Variants in PCDH15 observed in about 807,000 individuals in gnomAD.
The protein encoded by PCDH15 is protocadherin related 15, also known as protocadherin-15.
Under a neutral mutation model 178.5 loss-of-function variants are expected in PCDH15, and 129 were observed. The ratio of observed to expected loss-of-function variants is 0.72; its 90% CI spans 0.63 to 0.84. The LOEUF (loss-of-function observed/expected upper bound fraction) is 0.84, where lower values mean the gene tolerates loss of function less well. Among genes scored for constraint, PCDH15 ranks in the 40% least tolerant of loss-of-function variants. PCDH15 has a pLI of 0.00. For synonymous variants in PCDH15, 800 were observed against 732.0 expected, an observed-to-expected ratio of 1.09 and a Z score of -1.50; for missense variants, 2,230 against 2,099.9, an observed-to-expected ratio of 1.06 and a Z score of -1.21.
chr10:55,103,760 G>C (rs933679180), intron 2 of PCDH15, among the ~76,000 whole-genome samples: 1 of 152,058 alleles, frequency 6.6e-6, no homozygotes, highest in African/African-American at 2.4e-5. Flanking sequence ...GGCTGAATTA[G>C]AGATATTGTG....
At chr10:54,388,193 G>A (rs1464108164) in intron 3 of PCDH15, among the ~76,000 whole-genome samples, 1 of 152,152 alleles carries the variant, frequency 6.6e-6, no homozygotes, top group Non-Finnish European at 1.5e-5. Flanking sequence ...CACAAGTATG[G>A]AAAGTCTTTT....
intron 1 of PCDH15, among the ~76,000 whole-genome samples, chr10:54,694,607 T>C (rs763850400): frequency 5.6e-4 from 85 of 151,654 alleles, no homozygotes; most frequent in Admixed American, 5.9e-4. Flanking sequence ...TTTCAAACTT[T>C]ATTATTATTA....
intron 2 of PCDH15, among the ~76,000 whole-genome samples, chr10:55,343,838 A>G (rs1021028870): frequency 3.9e-5 from 6 of 152,194 alleles, no homozygotes; most frequent in African/African-American, 7.2e-5. Flanking sequence ...TGCACAGTCA[A>G]TAAAATAGTT....
intron 1 of PCDH15, among the ~76,000 whole-genome samples, chr10:54,687,859 T>C (rs1200236762): frequency 6.6e-6 from 1 of 152,046 alleles, no homozygotes; most frequent in East Asian, 1.9e-4. Context: ...TTGAACAATA[T>C]CTGCCTTAAC....
chr10:55,328,721 A>G (rs2132307665), intron 2 of PCDH15, among the ~76,000 whole-genome samples: 1 of 151,438 alleles, frequency 6.6e-6, no homozygotes, highest in African/African-American at 2.4e-5. Flanking sequence ...TAAACAATAC[A>G]GTACAATTAT....
chr10:53,855,412 C>T (rs1564618414), intron 28 of PCDH15, among the ~76,000 whole-genome samples: 1 of 152,024 alleles, frequency 6.6e-6, no homozygotes, highest in South Asian at 2.1e-4. Flanking sequence ...TGTATATAAA[C>T]TACTTCTGCA....
chr10:54,607,610 C>G (rs2092798475), intron 2 of PCDH15, among the ~76,000 whole-genome samples: 1 of 152,020 alleles, frequency 6.6e-6, no homozygotes, highest in Admixed American at 6.6e-5. Context: ...GAAATCAACC[C>G]ATAGTCCTTA....
intron 23 of PCDH15, among the ~76,000 whole-genome samples, chr10:53,955,979 A>C (rs532558756): frequency 1.4e-4 from 22 of 152,344 alleles, no homozygotes; most frequent in Admixed American, 2.6e-4. Flanking sequence ...CTAGCAATTG[A>C]ACATATTAAA....
chr10:54,642,809 A>T (rs1274734031), intron 2 of PCDH15, among the ~76,000 whole-genome samples: 1 of 152,242 alleles, frequency 6.6e-6, no homozygotes, highest in Non-Finnish European at 1.5e-5. Flanking sequence ...TGCCCAAAAT[A>T]TAATTTATAT....
chr10:54,599,964 G>A, intron 2 of PCDH15: 1 of 1,080,528 alleles, frequency 9.3e-7, no homozygotes. Flanking sequence ...AGGTGGAAAA[G>A]CCAGAAAAAG....
At chr10:55,432,082 A>AACACAC (rs58866288) in intron 2 of PCDH15, among the ~76,000 whole-genome samples, 1,936 of 148,462 alleles carry the variant, frequency 0.013, 28 homozygotes, top group African/African-American at 0.037. Context: ...CTATCATTTA[A>AACACAC]ACACACACAC....
chr10:55,334,242 A>ATATATATATATATATGTGTGTGTG (rs1291195941), intron 2 of PCDH15, among the ~76,000 whole-genome samples: 1 of 72,162 alleles, frequency 1.4e-5, no homozygotes, highest in Non-Finnish European at 2.2e-5. Flanking sequence ...ATATATATAT[A>ATATATATATATATATGTGTGTGTG]TGTGTGTGTG....
At position 55,460,581 on chromosome 10, in the gene PCDH15, T is replaced by C. The variant is rs375694762; in HGVS notation, c.-156+167044A>G. On this transcript the variant is annotated intron_variant, in intron 2 of 5. Transcript: ENST00000613346. ...CTTCAACTTGGGCCTTTTTAAAACA[T>C]ATTTTGTGCCTCTGCTTAACACTTT... is the stretch of plus-strand genomic sequence containing the variant. 3.2e-4 allele frequency among the ~76,000 whole-genome samples: 49 copies of C among 152,224 alleles called. No homozygotes were observed. In the South Asian group the frequency reaches 0.01, roughly 32 times the overall value.
chr10:54,265,628 T>C (rs745579310), intron 8 of PCDH15, among the ~76,000 whole-genome samples: 2 of 152,062 alleles, frequency 1.3e-5, no homozygotes, highest in Non-Finnish European at 2.9e-5. Flanking sequence ...GTTTCTATTC[T>C]ATCAGAAAAA....
In PCDH15 at chr10:53,959,824, A is replaced by T. The variant is rs764142046; in HGVS notation, c.3030T>A (p.Asp1010Glu). 2 of 1,614,016 alleles carry T rather than the reference A, an allele frequency of 1.2e-6. No homozygotes were observed. Among genetic ancestry groups the T allele is most frequent in the South Asian group, 2.2e-5 (2 of 91,086 alleles). ...TGCTGGACATCACAGGCTCCCCATCATCAAAAGCAACCACCACCAACTTAA... is the reference window on the plus strand; with the variant it reads ...TGCTGGACATCACAGGCTCCCCATCTTCAAAAGCAACCACCACCAACTTAA... Reference protein sequence around the residue: ...TIFKLVVVAFDDGEPVMSSSA... With the variant: ...TIFKLVVVAFEDGEPVMSSSA... Residue 1010 changes from aspartate to glutamate, a missense_variant, in exon 23 of 38, where the codon GAT becomes GAA. Physicochemically the swap from Asp to Glu is conservative, Grantham distance 45 (BLOSUM62 2). Coordinates refer to ENST00000644397, the MANE Select transcript of PCDH15 (RefSeq NM_001384140.1).
chr10:54,103,257 C>G (rs747519858), intron 15 of PCDH15, among the ~76,000 whole-genome samples: 2 of 152,122 alleles, frequency 1.3e-5, no homozygotes, highest in African/African-American at 4.8e-5. Flanking sequence ...ATTAATTTCA[C>G]TTCTAGGAAC....
intron 25 of PCDH15, among the ~76,000 whole-genome samples, chr10:53,911,495 C>A (rs1303162519): frequency 2.0e-5 from 3 of 152,042 alleles, no homozygotes; most frequent in Non-Finnish European, 4.4e-5. Flanking sequence ...TAAATGCCCA[C>A]AAGAGAAAGC....
intron 2 of PCDH15, among the ~76,000 whole-genome samples, chr10:55,351,926 G>C (rs934951696): frequency 1.3e-5 from 2 of 152,026 alleles, no homozygotes; most frequent in Non-Finnish European, 2.9e-5. Flanking sequence ...ATTATTACAA[G>C]TACAATAATA....
intron 4 of PCDH15, among the ~76,000 whole-genome samples, chr10:54,370,106 A>G (rs1342283152): frequency 6.6e-6 from 1 of 151,988 alleles, no homozygotes; most frequent in African/African-American, 2.4e-5. Flanking sequence ...TGAACGGGAA[A>G]GGTCAAAGAT....
Sources: allele counts gnomAD v4.1 joint callset (sites outside exome capture counted in the v4.1 genomes callset), GRCh38; gene constraint gnomAD v4.1.1; transcripts MANE v1.5; gene names NCBI Gene and HGNC (gene_info 2026-07-23, HGNC 2026-07-21).